Variants in TNFSF11 observed in about 807,000 individuals in gnomAD.
The protein encoded by TNFSF11 is TNF superfamily member 11, also known as tumor necrosis factor ligand superfamily member 11.
In TNFSF11, 12 loss-of-function variants were observed where a neutral mutation model predicts 32.2. The ratio of observed to expected loss-of-function variants is 0.37; its 90% CI spans 0.24 to 0.60. The LOEUF is 0.60. Among genes scored for constraint, TNFSF11 ranks in the 20% least tolerant of loss-of-function variants. The pLI is 0.66. For missense variants in TNFSF11, 345 were observed against 398.0 expected (o/e 0.87, Z 1.13); for synonymous variants, 172 against 152.1 (o/e 1.13, Z -0.96).
At chr13:42,600,532 T>C (rs1234465744) in intron 2 of TNFSF11, among the ~76,000 whole-genome samples, 1 of 152,210 alleles carries the variant, frequency 6.6e-6, no homozygotes. Flanking sequence ...GTATTTTGTT[T>C]GAAGTTGGGT....
chr13:42,563,758 T>A (rs1417273518), intron 1 of TNFSF11, among the ~76,000 whole-genome samples: 2 of 152,308 alleles, frequency 1.3e-5, no homozygotes, highest in South Asian at 4.1e-4. Flanking sequence ...GTTTTAAGGT[T>A]TTTTTCTTTG....
Position 42,574,232 on chromosome 13 carries a change from G to A in TNFSF11, c.-72G>A. On this transcript the variant is annotated 5_prime_UTR_variant, in exon 1 of 5. Transcript: ENST00000398795. ...CGTCGAGGCTCCGCCGCAGCCTCCG[G>A]AGTTGGCCGCAGACAAGAAGGGGAG... 1 of 1,524,862 alleles carries A rather than the reference G, an allele frequency of 6.6e-7. No individual in the cohort carries two copies. The allele number at this position is 1,524,862 out of a possible 1,614,324, so 94.5% of individuals were successfully genotyped here.
In TNFSF11 at chr13:42,586,565, T is replaced by C. The variant is rs113494807; in HGVS notation, c.387+5272T>C. Among the ~76,000 whole-genome samples the C allele has an allele frequency of 3.6e-3, 553 of 152,332 alleles. 9 individuals carry two copies. The highest frequency in any genetic ancestry group is 0.014 in the Middle Eastern group (4 of 294). On this transcript the variant is annotated intron_variant, in intron 2 of 4. Transcript: ENST00000398795. Reference sequence around the variant, plus strand: ...TTTCATCAGGCTTCTTTGTTCTGCATAACCTGACTGCTATGTAGAGGTGGG... The same window carrying C: ...TTTCATCAGGCTTCTTTGTTCTGCACAACCTGACTGCTATGTAGAGGTGGG...
At chr13:42,601,211 G>T (rs1044856525) in intron 4 of TNFSF11, among the ~76,000 whole-genome samples, 1 of 152,176 alleles carries the variant, frequency 6.6e-6, no homozygotes, top group African/African-American at 2.4e-5. Flanking sequence ...CATCAGAATG[G>T]ATGCTTATTT....
chr13:42,574,600 G>A (rs1383438224), intron 1 of TNFSF11, 78 bp downstream of exon 1: 2 of 1,492,570 alleles, frequency 1.3e-6, no homozygotes, highest in East Asian at 2.3e-5. Context: ...TGAGTCTGGC[G>A]GCAGGGCTGG....
At chr13:42,567,857 C>T (rs946616751) in intron 2 of TNFSF11, among the ~76,000 whole-genome samples, 1 of 152,222 alleles carries the variant, frequency 6.6e-6, no homozygotes, top group African/African-American at 2.4e-5. Flanking sequence ...CACAGGGTTT[C>T]TTCTCCCTCT....
chr13:42,586,195 T>C (rs745606439), intron 2 of TNFSF11, among the ~76,000 whole-genome samples: 10 of 152,202 alleles, frequency 6.6e-5, no homozygotes, highest in Non-Finnish European at 1.3e-4. Flanking sequence ...TTTTTGAAGA[T>C]CATGGAGTGA....
exon 1 of TNFSF11, chr13:42,562,862 G>A (rs200550371): frequency 2.6e-5 from 4 of 152,220 alleles, no homozygotes; most frequent in African/African-American, 9.7e-5. Flanking sequence ...ATGTGACGTG[G>A]GGAACCAGGA....
intron 1 of TNFSF11, among the ~76,000 whole-genome samples, chr13:42,577,235 G>A (rs1360392073): frequency 6.6e-6 from 1 of 152,196 alleles, no homozygotes. Context: ...AGCAGTTTGA[G>A]TTTTTAAATG....
Position 42,574,283 on chromosome 13 carries a change from G to T in TNFSF11, c.-21G>T, listed in dbSNP as rs201894827. The T allele has an allele frequency of 1.9e-6, 3 of 1,546,136 alleles. No individual in the cohort carries two copies. Among genetic ancestry groups the T allele is most frequent in the Non-Finnish European group, 1.7e-6 (2 of 1,145,718 alleles). Reference sequence around the variant, plus strand: ...GGAGCGGGAGAGGGAGGAGAGCTCCGAAGCGAGAGGGCCGAGCGCCATGCG... The same window carrying T: ...GGAGCGGGAGAGGGAGGAGAGCTCCTAAGCGAGAGGGCCGAGCGCCATGCG... On this transcript the variant is annotated 5_prime_UTR_variant, in exon 1 of 5. Coordinates refer to ENST00000398795, the MANE Select transcript of TNFSF11 (RefSeq NM_003701.4).
upstream of TNFSF11, among the ~76,000 whole-genome samples, chr13:42,572,032 A>C (rs1345843690): frequency 6.6e-6 from 1 of 152,230 alleles, no homozygotes. Flanking sequence ...GAATGTTGAC[A>C]AAGGAATAAG....
chr13:42,589,411 A>C (rs924569031), intron 2 of TNFSF11, among the ~76,000 whole-genome samples: 3 of 152,132 alleles, frequency 2.0e-5, no homozygotes, highest in African/African-American at 7.2e-5. Context: ...CCTCACTGCC[A>C]CTGGCCCATC....
At chr13:42,604,218 C>T (rs1189274861) in intron 4 of TNFSF11, among the ~76,000 whole-genome samples, 3 of 152,178 alleles carry the variant, frequency 2.0e-5, no homozygotes, top group Non-Finnish European at 4.4e-5. Flanking sequence ...CATGGGATAA[C>T]TTGAGATGGG....
chr13:42,607,066 A>G lies in TNFSF11; in HGVS notation c.*148A>G. The G allele has an allele frequency of 4.1e-6, 4 of 973,998 alleles. No individual in the cohort carries two copies. Among genetic ancestry groups the G allele is most frequent in the Non-Finnish European group, 6.2e-6 (4 of 650,380 alleles). 60.3% of individuals were successfully genotyped at this position (973,998 alleles called of 1,614,324 possible). ...TCAGTATCCATGCTCTTGACCTTGT[A>G]GAGAACACGCGTATTTACAGCCAGT... On this transcript the variant is annotated 3_prime_UTR_variant, in exon 5 of 5. Coordinates refer to ENST00000398795, the MANE Select transcript of TNFSF11 (RefSeq NM_003701.4).
chr13:42,606,362 G>T lies in TNFSF11; in HGVS notation c.533-135G>T, dbSNP rs528539922. 5.8e-5 allele frequency: 63 copies of T among 1,087,456 alleles called. No individual in the cohort carries two copies. In the Admixed American group the frequency reaches 1.2e-3, roughly 21 times the overall value. The allele number at this position is 1,087,456 out of a possible 1,614,324, so 67.4% of individuals were successfully genotyped here. A position where few individuals can be genotyped will look rare whatever the true frequency, so the allele number is the denominator to read the frequency against. On this transcript the variant is annotated intron_variant, in intron 4 of 4. Transcript: ENST00000398795. ...GAATGTATTCTCCCCTTCTAGAAAA[G>T]AAATGCCAATAAGTTATTCTCCCTT...
rs116023012 is a variant in TNFSF11, at chr13:42,599,077, G to C, written c.388-1675G>C. Among the ~76,000 whole-genome samples the C allele has an allele frequency of 7.9e-3, 1,202 of 152,292 alleles. 16 individuals carry two copies. The highest frequency in any genetic ancestry group is 0.026 in the African/African-American group (1,099 of 41,548). On this transcript the variant is annotated intron_variant, in intron 2 of 4. Transcript: ENST00000398795. Reference sequence around the variant, plus strand: ...TGTAGTGCCCTGGGTCTAGGCAACAGCAGAAAGTGGCTTTGAGTGAGTCCT... The same window carrying C: ...TGTAGTGCCCTGGGTCTAGGCAACACCAGAAAGTGGCTTTGAGTGAGTCCT...
At chr13:42,569,720 C>T (rs1047515884), upstream of TNFSF11, among the ~76,000 whole-genome samples, 5 of 151,960 alleles carry the variant, frequency 3.3e-5, no homozygotes, top group South Asian at 4.2e-4. Context: ...GGATCCTCTC[C>T]GGAGTTCAGC....
chr13:42,598,784 G>C (rs1394484139), intron 2 of TNFSF11, among the ~76,000 whole-genome samples: 2 of 152,172 alleles, frequency 1.3e-5, no homozygotes, highest in African/African-American at 4.8e-5. Context: ...ATAGCCTTAA[G>C]GGAGAAAATA....
intron 4 of TNFSF11, among the ~76,000 whole-genome samples, chr13:42,605,140 A>G (rs533378571): frequency 6.6e-5 from 10 of 152,284 alleles, no homozygotes; most frequent in Non-Finnish European, 1.3e-4. Context: ...GAGAGCTGTC[A>G]GTTTTGATGG....
Sources: gnomAD v4.1 joint callset for allele counts (sites outside exome capture counted in the v4.1 genomes callset) on GRCh38, gnomAD v4.1.1 for gene constraint, MANE v1.5 for transcripts, NCBI Gene and HGNC (gene_info 2026-07-23, HGNC 2026-07-21) for gene names.